The following GTF2A1L variants were observed in gnomAD, a reference collection of about 807,000 sequenced individuals.
GTF2A1L encodes the protein TFIIA-alpha and beta-like factor.
In GTF2A1L, 48 loss-of-function variants were observed where a neutral mutation model predicts 49.7. The ratio of observed to expected loss-of-function variants is 0.97; its 90% CI spans 0.77 to 1.23. The LOEUF (loss-of-function observed/expected upper bound fraction) is 1.23, where lower values mean the gene tolerates loss of function less well. GTF2A1L is among the 50% of genes most tolerant of loss of function. The pLI, the probability that GTF2A1L is intolerant of heterozygous loss-of-function variation, is 0.00. For missense variants in GTF2A1L, 736 were observed against 564.8 expected, an observed-to-expected ratio of 1.30 and a Z score of -3.07; for synonymous variants, 246 against 193.5, an observed-to-expected ratio of 1.27 and a Z score of -2.25.
At position 48,625,593 on chromosome 2, in the gene GTF2A1L, A is replaced by T. The variant is rs549676791; in HGVS notation, c.247+4303A>T. On this transcript the variant is annotated intron_variant, in intron 3 of 8. Transcript: ENST00000403751. ...GTCTGTATTTATTTTATTTTATTTT[A>T]TTTTTTTGAGGGAGGGTCTTGCTCT... 4.2e-5 allele frequency among the ~76,000 whole-genome samples: 6 copies of T among 141,236 alleles called. 1 individual carries two copies. In the South Asian group the frequency reaches 1.5e-3, roughly 34 times the overall value. The allele number at this position is 141,236 out of a possible 152,430, so 92.7% of individuals were successfully genotyped here.
intron 8 of GTF2A1L, among the ~76,000 whole-genome samples, chr2:48,675,446 A>G (rs773607702): frequency 7.2e-5 from 11 of 152,062 alleles, no homozygotes; most frequent in Non-Finnish European, 1.3e-4. Flanking sequence ...GAGATTAACA[A>G]TTGGGGGGAA....
At chr2:48,624,489 G>A (rs1676195436) in intron 3 of GTF2A1L, among the ~76,000 whole-genome samples, 1 of 141,676 alleles carries the variant, frequency 7.1e-6, no homozygotes, top group South Asian at 2.4e-4. Flanking sequence ...GATAGATAGT[G>A]AAGAGGTTGG....
chr2:48,647,823 A>G (rs545435706), intron 6 of GTF2A1L, among the ~76,000 whole-genome samples: 15 of 152,224 alleles, frequency 9.9e-5, no homozygotes, highest in Middle Eastern at 3.4e-3. Context: ...AGACTCATGG[A>G]GAATTTTGGA....
chr2:48,662,741 C>T (rs1191514196), intron 6 of GTF2A1L, among the ~76,000 whole-genome samples: 5 of 150,516 alleles, frequency 3.3e-5, no homozygotes, highest in Admixed American at 2.0e-4. Flanking sequence ...TGCCAAAACA[C>T]TTACTGGGGA....
chr2:48,647,152 T>C lies in GTF2A1L; in HGVS notation c.978+110T>C, dbSNP rs982851776. On this transcript the variant is annotated intron_variant, in intron 6 of 8. Coordinates refer to ENST00000403751, the MANE Select transcript of GTF2A1L (RefSeq NM_006872.5). ...GTTAATCAGAATTATATATATTTTG[T>C]TTTTTTCTTTAGAAGATTATTTCTT... 32 of 1,052,758 alleles carry C rather than the reference T, an allele frequency of 3.0e-5. No individual in the cohort carries two copies. In the East Asian group the frequency reaches 7.2e-4, roughly 24 times the overall value. 65.2% of individuals were successfully genotyped at this position (1,052,758 alleles called of 1,614,324 possible).
intron 6 of GTF2A1L, among the ~76,000 whole-genome samples, chr2:48,650,207 G>A (rs143273573): frequency 5.3e-5 from 8 of 152,202 alleles, no homozygotes; most frequent in East Asian, 1.9e-4. Context: ...ATACACACTC[G>A]TGTGTAGTGG....
chr2:48,676,781 G>A (rs1679488244), intron 8 of GTF2A1L, among the ~76,000 whole-genome samples: 2 of 151,066 alleles, frequency 1.3e-5, no homozygotes, highest in Non-Finnish European at 3.0e-5. Context: ...GGAAGCTCAT[G>A]TTTTCTTCAA....
intron 1 of GTF2A1L, among the ~76,000 whole-genome samples, chr2:48,619,986 G>T (rs1343225110): frequency 6.6e-6 from 1 of 152,178 alleles, no homozygotes; most frequent in Non-Finnish European, 1.5e-5. Flanking sequence ...TTTGATAATG[G>T]TCCAGAATAT....
intron 4 of GTF2A1L, 144 bp from the exon 5 acceptor site, chr2:48,644,889 A>G (rs1677410329): frequency 3.1e-6 from 2 of 650,164 alleles, no homozygotes. Flanking sequence ...TATTTTATTC[A>G]AAGAACTCAG....
At chr2:48,660,437 A>T (rs1054774279) in intron 6 of GTF2A1L, among the ~76,000 whole-genome samples, 2 of 151,978 alleles carry the variant, frequency 1.3e-5, no homozygotes, top group African/African-American at 4.8e-5. Flanking sequence ...TTGATTACTT[A>T]TTCAGTCTAC....
intron 8 of GTF2A1L, among the ~76,000 whole-genome samples, chr2:48,673,915 T>C (rs1240028818): frequency 6.6e-6 from 1 of 152,122 alleles, no homozygotes; most frequent in Admixed American, 6.5e-5. Flanking sequence ...GATAATCCTT[T>C]TATGGCCTGG....
chr2:48,635,704 C>G (rs1420851984), intron 3 of GTF2A1L, among the ~76,000 whole-genome samples: 1 of 152,028 alleles, frequency 6.6e-6, no homozygotes, highest in Non-Finnish European at 1.5e-5. Context: ...TGCTCCAGAG[C>G]AGGTGCTTCA....
chr2:48,628,072 G>A (rs1236607864), intron 3 of GTF2A1L, among the ~76,000 whole-genome samples: 1 of 144,026 alleles, frequency 6.9e-6, no homozygotes, highest in East Asian at 1.9e-4. Flanking sequence ...TTTTTTATGA[G>A]TGCATAGTGT....
At chr2:48,661,208 AT>A (rs1443180967) in intron 6 of GTF2A1L, among the ~76,000 whole-genome samples, 2 of 131,460 alleles carry the variant, frequency 1.5e-5, no homozygotes, top group Non-Finnish European at 3.2e-5. Context: ...GTAAGCACTT[AT>A]ACATGTCCCT....
chr2:48,629,552 A>G (rs1676466793), intron 3 of GTF2A1L, among the ~76,000 whole-genome samples: 1 of 143,494 alleles, frequency 7.0e-6, no homozygotes, highest in African/African-American at 2.5e-5. Flanking sequence ...TGTTTGTCTC[A>G]AGATTAGCCC....
chr2:48,671,400 C>T (rs7562038), intron 7 of GTF2A1L, among the ~76,000 whole-genome samples, 191 bp from the exon 8 acceptor site: 33,278 of 151,930 alleles, frequency 0.22, 3,727 homozygotes, highest in South Asian at 0.25. Flanking sequence ...GATGGGATTT[C>T]ACCATGTTGC....
At chr2:48,663,455 C>G (rs1224157927) in intron 6 of GTF2A1L, among the ~76,000 whole-genome samples, 1 of 151,984 alleles carries the variant, frequency 6.6e-6, no homozygotes, top group Non-Finnish European at 1.5e-5. Flanking sequence ...GAATCAATCT[C>G]AATCAATCAA....
intron 8 of GTF2A1L, among the ~76,000 whole-genome samples, chr2:48,672,486 A>C (rs567537567): frequency 6.6e-6 from 1 of 152,304 alleles, no homozygotes; most frequent in African/African-American, 2.4e-5. Context: ...TGGAAAAAGC[A>C]AATGGTAAAA....
intron 6 of GTF2A1L, among the ~76,000 whole-genome samples, chr2:48,647,465 GGAAACTTATTTTATGTCTGCA>G (rs1677589425): frequency 6.6e-6 from 1 of 152,022 alleles, no homozygotes; most frequent in Admixed American, 6.6e-5. Context: ...TCTTATACTG[GGAAACTTATTTTATGTCTGCA>G]GATAAAAATT....
Sources: allele counts gnomAD v4.1 joint callset (sites outside exome capture counted in the v4.1 genomes callset), GRCh38; gene constraint gnomAD v4.1.1; transcripts MANE v1.5; gene names NCBI Gene and HGNC (gene_info 2026-07-23, HGNC 2026-07-21).